The following CHODL variants were observed in gnomAD, a reference collection of about 807,000 sequenced individuals.
CHODL encodes chondrolectin.
CHODL carries 29 observed loss-of-function variants against 34.5 expected under a neutral mutation model. The observed-to-expected ratio is 0.84, with a 90% CI of 0.63 to 1.15. The LOEUF (loss-of-function observed/expected upper bound fraction) is 1.15, where lower values mean the gene tolerates loss of function less well. Among genes scored for constraint, CHODL ranks in the 50% most tolerant of loss-of-function variants. CHODL has a pLI of 0.00. For missense variants in CHODL, 332 were observed against 332.5 expected (o/e 1.00, Z 0.01); for synonymous variants, 125 against 116.1 (o/e 1.08, Z -0.49).
At chr21:18,206,355 C>T (rs371146677) in intron 2 of CHODL, among the ~76,000 whole-genome samples, 1 of 152,158 alleles carries the variant, frequency 6.6e-6, no homozygotes, top group African/African-American at 2.4e-5. Context: ...CTTGTGTCCT[C>T]TTGCTGAATT....
chr21:18,167,211 CTGTG>C (rs71329776), intron 2 of CHODL, among the ~76,000 whole-genome samples: 1,966 of 88,054 alleles, frequency 0.022, 9 homozygotes, highest in African/African-American at 0.034. Flanking sequence ...TTCTCTCTCT[CTGTG>C]TGTGTGTGTG....
chr21:17,931,707 C>G (rs143719832), intron 1 of CHODL, among the ~76,000 whole-genome samples: 5 of 152,100 alleles, frequency 3.3e-5, no homozygotes, highest in African/African-American at 1.2e-4. Flanking sequence ...AAAAGACAGG[C>G]AGAACTTCTG....
At chr21:17,989,113 A>G (rs1368445608) in intron 1 of CHODL, among the ~76,000 whole-genome samples, 1 of 152,208 alleles carries the variant, frequency 6.6e-6, no homozygotes, top group Non-Finnish European at 1.5e-5. Context: ...TGTAAATGGG[A>G]TTCTTAGTCC....
chr21:17,920,414 ACT>A (rs1369040550), intron 1 of CHODL, among the ~76,000 whole-genome samples: 1 of 151,922 alleles, frequency 6.6e-6, no homozygotes, highest in Non-Finnish European at 1.5e-5. Context: ...GTGCAGGGAA[ACT>A]CTCATTTTTA....
chr21:18,231,867 G>T (rs1163215268), intron 2 of CHODL, among the ~76,000 whole-genome samples: 1 of 151,850 alleles, frequency 6.6e-6, no homozygotes, highest in Non-Finnish European at 1.5e-5. Flanking sequence ...TAACTGTCTT[G>T]GTGGTCCTGG....
chr21:18,007,480 T>A (rs1284478455), intron 1 of CHODL, among the ~76,000 whole-genome samples: 1 of 152,228 alleles, frequency 6.6e-6, no homozygotes, highest in Non-Finnish European at 1.5e-5. Context: ...TCTAAACACT[T>A]TGGGTTCAAA....
chr21:18,238,613 G>T (rs1055944112), intron 2 of CHODL, among the ~76,000 whole-genome samples: 6 of 152,004 alleles, frequency 3.9e-5, no homozygotes, highest in African/African-American at 1.4e-4. Context: ...TTCAGGGAGG[G>T]GTTGCTGTGG....
intron 2 of CHODL, among the ~76,000 whole-genome samples, chr21:18,112,020 T>A (rs2065357290): frequency 6.6e-6 from 1 of 152,192 alleles, no homozygotes; most frequent in African/African-American, 2.4e-5. Flanking sequence ...TTATTGAACA[T>A]CACTATGATG....
chr21:18,148,743 G>C (rs1052423744), intron 2 of CHODL, among the ~76,000 whole-genome samples: 1 of 151,988 alleles, frequency 6.6e-6, no homozygotes, highest in African/African-American at 2.4e-5. Context: ...CTCCATACAA[G>C]TAGGCAGTTT....
intron 2 of CHODL, among the ~76,000 whole-genome samples, chr21:18,238,612 G>T (rs778892186): frequency 6.6e-6 from 1 of 152,018 alleles, no homozygotes; most frequent in Admixed American, 6.6e-5. Context: ...GTTCAGGGAG[G>T]GGTTGCTGTG....
At chr21:18,252,664 A>G (rs1486026853) in intron 1 of CHODL, among the ~76,000 whole-genome samples, 1 of 152,166 alleles carries the variant, frequency 6.6e-6, no homozygotes, top group Non-Finnish European at 1.5e-5. Context: ...GACTGTATAT[A>G]AACCCATAAA....
chr21:18,138,246 A>G (rs1034311038), intron 2 of CHODL, among the ~76,000 whole-genome samples: 4 of 151,810 alleles, frequency 2.6e-5, no homozygotes, highest in Non-Finnish European at 4.4e-5. Context: ...ATATCATTAT[A>G]TATTTTGGAA....
At chr21:18,042,098 C>G (rs1166799332) in intron 2 of CHODL, among the ~76,000 whole-genome samples, 1 of 151,644 alleles carries the variant, frequency 6.6e-6, no homozygotes, top group African/African-American at 2.4e-5. Context: ...GTATACTCTT[C>G]AATATCCCAC....
intron 1 of CHODL, among the ~76,000 whole-genome samples, chr21:17,938,306 C>T (rs1224252069): frequency 1.3e-5 from 2 of 151,854 alleles, no homozygotes; most frequent in Non-Finnish European, 2.9e-5. Flanking sequence ...AGGCAAGGTT[C>T]TGTTTTCCTA....
intron 1 of CHODL, among the ~76,000 whole-genome samples, chr21:17,949,466 A>G (rs1416769845): frequency 6.6e-6 from 1 of 152,212 alleles, no homozygotes; most frequent in Non-Finnish European, 1.5e-5. Flanking sequence ...AAAGAAATAA[A>G]TTCAGTCAAA....
intron 1 of CHODL, among the ~76,000 whole-genome samples, chr21:17,932,691 T>TG (rs1265661140): frequency 2.0e-5 from 3 of 152,296 alleles, no homozygotes; most frequent in African/African-American, 7.2e-5. Flanking sequence ...TTATTCTAAG[T>TG]GAAAAACTGC....
At chr21:17,996,926 A>C (rs921374424) in intron 1 of CHODL, among the ~76,000 whole-genome samples, 11 of 152,196 alleles carry the variant, frequency 7.2e-5, no homozygotes, top group African/African-American at 1.9e-4. Flanking sequence ...ACATGATTAG[A>C]GAATTTTTAT....
At chr21:18,107,408 G>C (rs149198419) in intron 2 of CHODL, among the ~76,000 whole-genome samples, 1 of 152,182 alleles carries the variant, frequency 6.6e-6, no homozygotes, top group Non-Finnish European at 1.5e-5. Flanking sequence ...ATGCACAGCA[G>C]GGGGGAAAGG....
intron 2 of CHODL, among the ~76,000 whole-genome samples, chr21:18,048,568 G>GA (rs1236228455): frequency 1.3e-5 from 2 of 151,692 alleles, no homozygotes; most frequent in Non-Finnish European, 2.9e-5. Flanking sequence ...AAGAAAGAAA[G>GA]AAAAATTCTG....
Sources: gnomAD v4.1 joint callset for allele counts (sites outside exome capture counted in the v4.1 genomes callset) on GRCh38, gnomAD v4.1.1 for gene constraint, MANE v1.5 for transcripts, NCBI Gene and HGNC (gene_info 2026-07-23, HGNC 2026-07-21) for gene names.